Variants in TLN2 observed in about 807,000 individuals in gnomAD.
The protein encoded by TLN2 is talin-2.
TLN2 carries 118 observed loss-of-function variants against 294.7 expected under a neutral mutation model. The observed-to-expected ratio is 0.40, with a 90% confidence interval of 0.34 to 0.47. TLN2 has a LOEUF of 0.47. Among genes scored for constraint, TLN2 ranks in the 20% least tolerant of loss-of-function variants. The probability of loss-of-function intolerance (pLI) is 0.84; values close to 1 mark genes in which losing one functional copy is unlikely to be tolerated. For synonymous variants in TLN2, 1,431 were observed against 1,304.5 expected (o/e 1.10, Z -2.09); for missense variants, 3,083 against 3,282.2 (o/e 0.94, Z 1.48).
At chr15:62,585,351 C>G (rs1471705933) in intron 1 of TLN2, among the ~76,000 whole-genome samples, 2 of 152,072 alleles carry the variant, frequency 1.3e-5, no homozygotes, top group Non-Finnish European at 2.9e-5. Flanking sequence ...TATTGGATTC[C>G]AGACACCATG....
Position 62,828,038 on chromosome 15 carries a change from A to G in TLN2, c.7003-5466A>G, listed in dbSNP as rs532077292. ...CACCATTTCCTCTTCCAGGGGACAT[A>G]TAGCTACTGAAACTTTAAACCCATC... On this transcript the variant is annotated intron_variant, in intron 54 of 58. Transcript: ENST00000636159. 1.9e-4 allele frequency: 29 copies of G among 152,442 alleles called. 2 individuals are homozygous for G. In the East Asian group the frequency reaches 4.0e-3, roughly 21 times the overall value. 9.4% of individuals were successfully genotyped at this position (152,442 alleles called of 1,614,324 possible).
At chr15:62,484,556 A>G (rs2038283168) in intron 1 of TLN2, among the ~76,000 whole-genome samples, 1 of 151,802 alleles carries the variant, frequency 6.6e-6, no homozygotes, top group Non-Finnish European at 1.5e-5. Flanking sequence ...CTCCCCAAGT[A>G]GCTGGGATTA....
chr15:62,729,760 TG>T (rs2060618031), intron 28 of TLN2, among the ~76,000 whole-genome samples: 1 of 152,130 alleles, frequency 6.6e-6, no homozygotes, highest in Non-Finnish European at 1.5e-5. Flanking sequence ...ACTGATATGT[TG>T]GGGTTCGAGT....
intron 3 of TLN2, among the ~76,000 whole-genome samples, chr15:62,628,199 A>T (rs1003340124): frequency 6.6e-6 from 1 of 152,228 alleles, no homozygotes; most frequent in Non-Finnish European, 1.5e-5. Flanking sequence ...CAAGGTGTGG[A>T]CTATAATTTT....
At chr15:62,727,572 A>G (rs1439556018) in intron 28 of TLN2, among the ~76,000 whole-genome samples, 1 of 152,242 alleles carries the variant, frequency 6.6e-6, no homozygotes, top group Non-Finnish European at 1.5e-5. Flanking sequence ...ATGCGTGCTA[A>G]TAGGTAGAGG....
intron 21 of TLN2, among the ~76,000 whole-genome samples, chr15:62,710,720 C>CTTTTTTTTTTTTT (rs71287048): frequency 1.0e-4 from 8 of 77,074 alleles, no homozygotes; most frequent in African/African-American, 1.4e-4. Context: ...TGCTGATGTC[C>CTTTTTTTTTTTTT]TTTTTTTTTT....
At chr15:62,761,243 A>G (rs1011297058) in intron 37 of TLN2, among the ~76,000 whole-genome samples, 2 of 152,260 alleles carry the variant, frequency 1.3e-5, no homozygotes, top group African/African-American at 2.4e-5. Context: ...GTACTGCTTT[A>G]AAATACAATA....
intron 2 of TLN2, among the ~76,000 whole-genome samples, chr15:62,598,278 T>C (rs1472084685): frequency 1.3e-5 from 2 of 152,188 alleles, no homozygotes; most frequent in African/African-American, 4.8e-5. Context: ...GAGAGCGTGG[T>C]GGTCGGCTGT....
At chr15:62,673,936 C>T (rs2055813114) in intron 10 of TLN2, 46 bp downstream of exon 10, 1 of 1,509,480 alleles carries the variant, frequency 6.6e-7, no homozygotes, top group Non-Finnish European at 9.2e-7. Flanking sequence ...ACTCCCCATC[C>T]TCATTTATTA....
intron 1 of TLN2, among the ~76,000 whole-genome samples, chr15:62,480,415 T>C (rs2038017437): frequency 6.6e-6 from 1 of 152,048 alleles, no homozygotes; most frequent in African/African-American, 2.4e-5. Flanking sequence ...AGTTTCACCA[T>C]GTTAGCCATG....
At chr15:62,496,899 G>A (rs1440162584) in intron 1 of TLN2, among the ~76,000 whole-genome samples, 1 of 152,178 alleles carries the variant, frequency 6.6e-6, no homozygotes, top group Non-Finnish European at 1.5e-5. Context: ...GCAGATAGGA[G>A]TATTTGTGTT....
intron 52 of TLN2, among the ~76,000 whole-genome samples, chr15:62,813,129 T>A (rs1486327493): frequency 1.3e-5 from 2 of 152,236 alleles, no homozygotes; most frequent in Non-Finnish European, 2.9e-5. Context: ...AAGAACAGAT[T>A]GCACTTTGTG....
At position 62,595,375 on chromosome 15, in the gene TLN2, G is replaced by A. The variant is rs28874347; in HGVS notation, c.-162+5613G>A. ...GTAGAGGTTGCAGTGAGCTGAGATC[G>A]TGCCATTGCACTCCAGCCTGGGTGC... On this transcript the variant is annotated intron_variant, in intron 2 of 58. Coordinates refer to ENST00000636159, the MANE Select transcript of TLN2 (RefSeq NM_015059.3). 2.8e-3 allele frequency among the ~76,000 whole-genome samples: 407 copies of A among 145,096 alleles called. 3 individuals are homozygous for A. The highest frequency in any genetic ancestry group is 0.01 in the African/African-American group (392 of 38,710).
chr15:62,775,820 C>A (rs549958155), intron 42 of TLN2, among the ~76,000 whole-genome samples: 36 of 152,364 alleles, frequency 2.4e-4, no homozygotes, highest in Admixed American at 7.2e-4. Flanking sequence ...TAATGCAATT[C>A]CGACCCTGAA....
chr15:62,652,481 CAT>C (rs1479525799), intron 6 of TLN2, among the ~76,000 whole-genome samples: 1 of 152,240 alleles, frequency 6.6e-6, no homozygotes, highest in African/African-American at 2.4e-5. Flanking sequence ...TGACAGCCCA[CAT>C]GATTATTAGA....
At chr15:62,730,135 T>TCTCCTGCCTCAGC (rs202147688) in intron 28 of TLN2, among the ~76,000 whole-genome samples, 1 of 149,478 alleles carries the variant, frequency 6.7e-6, no homozygotes, top group Non-Finnish European at 1.5e-5. Context: ...TTCAAGCAAT[T>TCTCCTGCCTCAGC]CTCCTGCCTC....
rs921439954 is a variant in TLN2 at position 62,800,769 on chromosome 15, G to A, written c.6477G>A (p.Thr2159=). ...TTGAATGCATAAAGCAGGAGCTTACGGTAAGGAGCCAGCAGTTACCTCCCT... is the reference window on the plus strand; with the variant it reads ...TTGAATGCATAAAGCAGGAGCTTACAGTAAGGAGCCAGCAGTTACCTCCCT... ...ATIECIKQEL[T]VFQSKDVPEK... is the part of the protein sequence containing the mutation. Residue 2159 remains threonine, a splice_region_variant and synonymous_variant, in exon 50 of 59, where the codon ACG becomes ACA. Coordinates refer to ENST00000636159, the MANE Select transcript of TLN2 (RefSeq NM_015059.3). 4 of 1,609,224 alleles carry A rather than the reference G, an allele frequency of 2.5e-6. No homozygotes were observed. Among genetic ancestry groups the A allele is most frequent in the Admixed American group, 1.7e-5 (1 of 59,308 alleles).
chr15:62,693,440 A>G (rs1211826555), intron 13 of TLN2, among the ~76,000 whole-genome samples: 3 of 152,178 alleles, frequency 2.0e-5, no homozygotes, highest in South Asian at 2.1e-4. Context: ...TCTGCAGCAC[A>G]TATTTGTGTC....
chr15:62,397,526 AG>A (rs1433754303), intron 1 of TLN2, among the ~76,000 whole-genome samples: 4 of 152,102 alleles, frequency 2.6e-5, no homozygotes, highest in Admixed American at 2.6e-4. Context: ...GACCTCCCAA[AG>A]CACTGGGATT....
Sources: allele counts gnomAD v4.1 joint callset (sites outside exome capture counted in the v4.1 genomes callset), GRCh38; gene constraint gnomAD v4.1.1; transcripts MANE v1.5; gene names NCBI Gene and HGNC (gene_info 2026-07-23, HGNC 2026-07-21).